The following CCDC146 variants were observed in gnomAD, a reference collection of about 807,000 sequenced individuals.
CCDC146 encodes the protein coiled-coil domain-containing protein 146.
In CCDC146, 92 loss-of-function variants were observed where a neutral mutation model predicts 119.3. That is an observed-to-expected ratio of 0.77 (90% CI 0.65 to 0.92). The LOEUF (loss-of-function observed/expected upper bound fraction) is 0.92, where lower values mean the gene tolerates loss of function less well. Ranked by LOEUF, CCDC146 falls within the 40% of genes least tolerant of loss-of-function variation. The pLI, the probability that CCDC146 is intolerant of heterozygous loss-of-function variation, is 0.00. For synonymous variants in CCDC146, 372 were observed against 371.8 expected (o/e 1.00, Z -0.01); for missense variants, 1,000 against 1,103.0 (o/e 0.91, Z 1.32).
At chr7:77,193,882 C>T (rs966150234) in intron 2 of CCDC146, 4 of 152,462 alleles carry the variant, frequency 2.6e-5, no homozygotes, top group Admixed American at 2.0e-4. Context: ...TGAATATTAG[C>T]ATATATTGGT....
intron 1 of CCDC146, among the ~76,000 whole-genome samples, chr7:77,130,731 T>C (rs1053993161): frequency 6.7e-6 from 1 of 149,254 alleles, no homozygotes; most frequent in Non-Finnish European, 1.5e-5. Flanking sequence ...CCCGTGTAGC[T>C]GGGACTACAG....
intron 2 of CCDC146, among the ~76,000 whole-genome samples, chr7:77,208,194 G>A (rs2150445257): frequency 6.6e-6 from 1 of 152,242 alleles, no homozygotes; most frequent in Middle Eastern, 3.4e-3. Context: ...CTCCAAAATG[G>A]ACACTTTTAG....
chr7:77,193,164 AG>A (rs1168843515), intron 2 of CCDC146, among the ~76,000 whole-genome samples: 1 of 152,192 alleles, frequency 6.6e-6, no homozygotes, highest in African/African-American at 2.4e-5. Context: ...GAGGAGAGGA[AG>A]TTGAATGCCA....
chr7:77,128,138 T>C (rs956086807), intron 1 of CCDC146, among the ~76,000 whole-genome samples: 16 of 152,128 alleles, frequency 1.1e-4, no homozygotes, highest in Non-Finnish European at 1.6e-4. Context: ...GAGGTTGCTG[T>C]TTCTCTTTTG....
intron 4 of CCDC146, among the ~76,000 whole-genome samples, chr7:77,252,873 C>A (rs1793102666): frequency 1.3e-5 from 2 of 152,256 alleles, no homozygotes; most frequent in Admixed American, 1.3e-4. Flanking sequence ...CCAAGTTCAA[C>A]ATGGCTGGGG....
intron 4 of CCDC146, among the ~76,000 whole-genome samples, chr7:77,242,959 G>GT (rs1169811921): frequency 1.3e-5 from 2 of 151,968 alleles, no homozygotes; most frequent in South Asian, 2.1e-4. Context: ...AAAATTGGAG[G>GT]TTTTTTTGTC....
At chr7:77,202,257 TAGAA>T (rs1792005260) in intron 2 of CCDC146, among the ~76,000 whole-genome samples, 1 of 152,262 alleles carries the variant, frequency 6.6e-6, no homozygotes, top group South Asian at 2.1e-4. Flanking sequence ...TTTTCCTTCT[TAGAA>T]AGGGGCATTA....
In CCDC146 at chr7:77,253,864, G is replaced by A. The variant is rs373459750; in HGVS notation, c.450-642G>A. On this transcript the variant is annotated intron_variant, in intron 4 of 18. Coordinates refer to ENST00000285871, the MANE Select transcript of CCDC146 (RefSeq NM_020879.3). ...GATCTGTGGCGAGAGCATACCAGCT[G>A]GAGGGATCAGATAGGGCAAAGGCCC... is the stretch of plus-strand genomic sequence containing the variant. Among the ~76,000 whole-genome samples the A allele has an allele frequency of 7.9e-5, 12 of 152,224 alleles. No homozygotes were observed. In the East Asian group the frequency reaches 1.9e-3, roughly 24 times the overall value.
At chr7:77,130,630 G>T (rs1282574633) in intron 1 of CCDC146, among the ~76,000 whole-genome samples, 1 of 128,094 alleles carries the variant, frequency 7.8e-6, no homozygotes, top group South Asian at 2.3e-4. Context: ...ACGGAGTTTC[G>T]CTCTGTCGCC....
At chr7:77,178,306 G>A (rs1195151353) in intron 2 of CCDC146, among the ~76,000 whole-genome samples, 2 of 152,220 alleles carry the variant, frequency 1.3e-5, no homozygotes, top group African/African-American at 4.8e-5. Context: ...TCAGAAGGAT[G>A]TTGAAAAGGG....
At chr7:77,123,254 C>G (rs1373954210) in intron 1 of CCDC146, among the ~76,000 whole-genome samples, 1 of 145,752 alleles carries the variant, frequency 6.9e-6, no homozygotes, top group African/African-American at 2.5e-5. Context: ...AAAAAAAAGA[C>G]ACAAAAAAGA....
At chr7:77,145,954 T>C (rs1354054112) in intron 1 of CCDC146, among the ~76,000 whole-genome samples, 1 of 152,088 alleles carries the variant, frequency 6.6e-6, no homozygotes, top group Non-Finnish European at 1.5e-5. Flanking sequence ...CAGAGCTGAG[T>C]TCAATTCCTG....
At chr7:77,229,165 G>A (rs1792573755) in intron 2 of CCDC146, among the ~76,000 whole-genome samples, 1 of 152,180 alleles carries the variant, frequency 6.6e-6, no homozygotes. Flanking sequence ...TCACTTTTTA[G>A]TAGGGTTATT....
chr7:77,251,373 G>T (rs1436476102), intron 4 of CCDC146, among the ~76,000 whole-genome samples: 1 of 152,038 alleles, frequency 6.6e-6, no homozygotes, highest in Non-Finnish European at 1.5e-5. Flanking sequence ...TACTTAAACT[G>T]CCCATTTCGG....
intron 4 of CCDC146, among the ~76,000 whole-genome samples, chr7:77,253,524 T>A (rs531923525): frequency 6.6e-6 from 1 of 152,326 alleles, no homozygotes; most frequent in African/African-American, 2.4e-5. Context: ...AGCACATACA[T>A]TATTTTAAAT....
chr7:77,142,364 G>T (rs538214894), intron 1 of CCDC146, among the ~76,000 whole-genome samples: 1 of 150,862 alleles, frequency 6.6e-6, no homozygotes, highest in Admixed American at 6.6e-5. Flanking sequence ...AAGTTCTAGG[G>T]TACATGTGCA....
At chr7:77,265,234 G>T (rs1170159733) in intron 9 of CCDC146, among the ~76,000 whole-genome samples, 2 of 152,202 alleles carry the variant, frequency 1.3e-5, no homozygotes, top group African/African-American at 4.8e-5. Context: ...AAACCTCAGT[G>T]TAATGAGTAA....
intron 9 of CCDC146, among the ~76,000 whole-genome samples, chr7:77,262,660 G>C (rs1470635969): frequency 3.9e-5 from 6 of 152,188 alleles, no homozygotes; most frequent in Non-Finnish European, 1.5e-5. Flanking sequence ...ATCCGGCATG[G>C]TGTCATGGCA....
intron 2 of CCDC146, among the ~76,000 whole-genome samples, chr7:77,177,135 C>G (rs1242246664): frequency 6.6e-6 from 1 of 152,100 alleles, no homozygotes; most frequent in African/African-American, 2.4e-5. Flanking sequence ...TGCACCTGGC[C>G]TAAAATTAAA....
Sources: allele counts gnomAD v4.1 joint callset (sites outside exome capture counted in the v4.1 genomes callset), GRCh38; gene constraint gnomAD v4.1.1; transcripts MANE v1.5; gene names NCBI Gene and HGNC (gene_info 2026-07-23, HGNC 2026-07-21).